The following CCDC170 variants were observed in gnomAD, a reference collection of about 807,000 sequenced individuals.
CCDC170 encodes the protein coiled-coil domain-containing protein 170.
A neutral mutation model predicts 72.6 loss-of-function variants in CCDC170; 69 were observed. The ratio of observed to expected loss-of-function variants is 0.95; its 90% confidence interval spans 0.78 to 1.16. CCDC170 has a LOEUF of 1.16. Among genes scored for constraint, CCDC170 ranks in the 50% most tolerant of loss-of-function variants. CCDC170 has a pLI of 0.00. For synonymous variants in CCDC170, 300 were observed against 303.9 expected (o/e 0.99, Z 0.13); for missense variants, 852 against 832.5 (o/e 1.02, Z -0.29).
intron 5 of CCDC170, among the ~76,000 whole-genome samples, chr6:151,553,494 G>A (rs1335593503): frequency 6.6e-6 from 1 of 151,976 alleles, no homozygotes; most frequent in Non-Finnish European, 1.5e-5. Context: ...GGGAGAGGAG[G>A]GGTTAAAAAA....
At chr6:151,560,472 AG>A (rs1240736492) in intron 5 of CCDC170, among the ~76,000 whole-genome samples, 1 of 152,126 alleles carries the variant, frequency 6.6e-6, no homozygotes, top group Admixed American at 6.5e-5. Flanking sequence ...GATGTCTGTG[AG>A]GTCCATCTTG....
chr6:151,605,410 C>G (rs867489612), intron 9 of CCDC170, among the ~76,000 whole-genome samples: 1 of 152,272 alleles, frequency 6.6e-6, no homozygotes, highest in Non-Finnish European at 1.5e-5. Context: ...TGGAACATAC[C>G]TCCTACAGTG....
intron 1 of CCDC170, among the ~76,000 whole-genome samples, chr6:151,524,969 A>G (rs374301514): frequency 8.8e-4 from 101 of 114,316 alleles, no homozygotes; most frequent in Admixed American, 1.9e-3. Flanking sequence ...GTCTCACTCT[A>G]TTGCCCAGGC....
chr6:151,558,232 G>GTTTTTTTTTTTTTTTTTTT (rs55648936), intron 5 of CCDC170, among the ~76,000 whole-genome samples: 1 of 70,880 alleles, frequency 1.4e-5, no homozygotes, highest in Non-Finnish European at 2.6e-5. Flanking sequence ...TGAGATTAGT[G>GTTTTTTTTTTTTTTTTTTT]TTTTTTTTTT....
At chr6:151,604,084 T>C (rs1200939756) in intron 9 of CCDC170, among the ~76,000 whole-genome samples, 1 of 152,088 alleles carries the variant, frequency 6.6e-6, no homozygotes, top group Admixed American at 6.5e-5. Flanking sequence ...GGAAAGCTCA[T>C]TATCTTCATT....
At chr6:151,538,872 G>A (rs1421692828) in intron 3 of CCDC170, among the ~76,000 whole-genome samples, 2 of 151,988 alleles carry the variant, frequency 1.3e-5, no homozygotes, top group Non-Finnish European at 2.9e-5. Context: ...AAAATACATG[G>A]TATTTATTTT....
chr6:151,593,306 A>T (rs1415723304), intron 8 of CCDC170, 26 bp downstream of exon 8: 1 of 1,597,750 alleles, frequency 6.3e-7, no homozygotes. Flanking sequence ...ACTTGCTAGT[A>T]TTGAGAGAAG....
chr6:151,548,557 T>A, intron 5 of CCDC170, 68 bp downstream of exon 5: 1 of 1,385,016 alleles, frequency 7.2e-7, no homozygotes, highest in Non-Finnish European at 9.6e-7. Flanking sequence ...AAGAGATGGA[T>A]GTCAGATAAG....
chr6:151,530,383 A>G (rs1365423921), intron 1 of CCDC170, among the ~76,000 whole-genome samples: 1 of 151,002 alleles, frequency 6.6e-6, no homozygotes, highest in Admixed American at 6.6e-5. Flanking sequence ...TGAGCAGTGT[A>G]TTAGCATGTC....
chr6:151,555,624 C>T lies in CCDC170; in HGVS notation c.774+7135C>T, dbSNP rs554835001. Among the ~76,000 whole-genome samples the T allele has an allele frequency of 4.6e-5, 7 of 151,982 alleles. No individual in the cohort carries two copies. The South Asian group carries it at 1.0e-3, about 23-fold the overall frequency. ...GAACTCACTACTGTATAAGGAGGTC[C>T]GTCTCATCTTTGTGAACTGTTTGAC... On this transcript the variant is annotated intron_variant, in intron 5 of 10. Transcript: ENST00000239374.
intron 1 of CCDC170, among the ~76,000 whole-genome samples, chr6:151,499,778 C>T (rs1781967175): frequency 6.6e-6 from 1 of 152,152 alleles, no homozygotes; most frequent in African/African-American, 2.4e-5. Flanking sequence ...ATCAGAATTT[C>T]CTTCCTTTTT....
intron 1 of CCDC170, among the ~76,000 whole-genome samples, chr6:151,516,918 A>C (rs1318620216): frequency 6.6e-6 from 1 of 152,216 alleles, no homozygotes; most frequent in Non-Finnish European, 1.5e-5. Flanking sequence ...GAGAAGATGA[A>C]CATGCCTAGT....
At chr6:151,510,936 A>G (rs1046249285) in intron 1 of CCDC170, among the ~76,000 whole-genome samples, 2 of 152,052 alleles carry the variant, frequency 1.3e-5, no homozygotes, top group African/African-American at 4.8e-5. Context: ...GGGTTTCACT[A>G]TGTTGGCCAG....
chr6:151,602,690 G>T (rs768576650), intron 9 of CCDC170, among the ~76,000 whole-genome samples: 1 of 152,078 alleles, frequency 6.6e-6, no homozygotes, highest in South Asian at 2.1e-4. Context: ...AGACATGCCT[G>T]CTTCCCCTTC....
chr6:151,512,000 A>G (rs1782157187), intron 1 of CCDC170, among the ~76,000 whole-genome samples: 1 of 151,618 alleles, frequency 6.6e-6, no homozygotes, highest in South Asian at 2.1e-4. Flanking sequence ...GGACACTACC[A>G]TGCCTGGCTA....
chr6:151,575,486 TG>T (rs1375878701), intron 6 of CCDC170, among the ~76,000 whole-genome samples: 2 of 149,406 alleles, frequency 1.3e-5, no homozygotes, highest in African/African-American at 4.9e-5. Flanking sequence ...GCAACCTTAG[TG>T]GCCCCTTTAG....
intron 1 of CCDC170, among the ~76,000 whole-genome samples, chr6:151,516,342 C>T (rs557718848): frequency 6.6e-6 from 1 of 152,150 alleles, no homozygotes; most frequent in East Asian, 1.9e-4. Flanking sequence ...TTTGGAATGC[C>T]CTTGGCCAAG....
chr6:151,531,062 T>A (rs770080910), intron 1 of CCDC170, among the ~76,000 whole-genome samples: 72 of 152,316 alleles, frequency 4.7e-4, no homozygotes, highest in Admixed American at 3.9e-3. Context: ...TTTTCTTGAA[T>A]GTTCTTGCAT....
Position 151,620,864 on chromosome 6 carries a change from TA to T in CCDC170, c.*2722del, listed in dbSNP as rs1777050830. The T allele has an allele frequency of 6.6e-6, 1 of 152,190 alleles. No individual in the cohort carries two copies. Among genetic ancestry groups the T allele is most frequent in the Non-Finnish European group, 1.5e-5 (1 of 68,028 alleles). 9.4% of individuals were successfully genotyped at this position (152,190 alleles called of 1,614,324 possible). A position where few individuals can be genotyped will look rare whatever the true frequency, so the allele number is the denominator to read the frequency against. The stretch of plus-strand genomic sequence containing the variant: ...TTATATCAGGATTCATGTAAGAGAC[TA>T]AAAATGATCCATAGTGGTTAGTACT... On this transcript the variant is annotated 3_prime_UTR_variant, in exon 11 of 11. Coordinates refer to ENST00000239374, the MANE Select transcript of CCDC170 (RefSeq NM_025059.4).
Sources: allele counts gnomAD v4.1 joint callset (sites outside exome capture counted in the v4.1 genomes callset), GRCh38; gene constraint gnomAD v4.1.1; transcripts MANE v1.5; gene names NCBI Gene and HGNC (gene_info 2026-07-23, HGNC 2026-07-21).